Variants in SH3GL3 observed in about 807,000 individuals in gnomAD.
SH3GL3 encodes the protein SH3 domain containing GRB2 like 3, endophilin A3.
In SH3GL3, 33 loss-of-function variants were observed where a neutral mutation model predicts 47.7. The observed-to-expected ratio is 0.69, with a 90% CI of 0.52 to 0.92. The LOEUF (loss-of-function observed/expected upper bound fraction) is 0.92, where lower values mean the gene tolerates loss of function less well. Among genes scored for constraint, SH3GL3 ranks in the 40% least tolerant of loss-of-function variants. The pLI is 0.00. For missense variants in SH3GL3, 363 were observed against 417.8 expected (o/e 0.87, Z 1.14); for synonymous variants, 155 against 148.8 (o/e 1.04, Z -0.30).
chr15:83,568,339 C>A (rs1334545642), intron 3 of SH3GL3, among the ~76,000 whole-genome samples, 190 bp from the exon 4 acceptor site: 1 of 152,070 alleles, frequency 6.6e-6, no homozygotes, highest in Non-Finnish European at 1.5e-5. Context: ...GCACTTAGCA[C>A]CCACCTTGGT....
intron 1 of SH3GL3, among the ~76,000 whole-genome samples, chr15:83,471,748 GT>G (rs928353298): frequency 2.0e-5 from 3 of 152,138 alleles, no homozygotes; most frequent in African/African-American, 4.8e-5. Context: ...GTGATTTCTG[GT>G]GAGAAATCTG....
chr15:83,543,650 A>T (rs1168289517), intron 1 of SH3GL3, among the ~76,000 whole-genome samples: 5 of 151,880 alleles, frequency 3.3e-5, no homozygotes, highest in Non-Finnish European at 7.4e-5. Context: ...TTGCCAGAAG[A>T]CTTTGTATTT....
At chr15:83,503,315 G>A (rs1004571389) in intron 1 of SH3GL3, among the ~76,000 whole-genome samples, 40 of 152,068 alleles carry the variant, frequency 2.6e-4, no homozygotes, top group Middle Eastern at 3.4e-3. Context: ...AAATGTACTG[G>A]CTTCTAACCT....
chr15:83,559,526 A>G (rs1369936379), intron 2 of SH3GL3, among the ~76,000 whole-genome samples: 2 of 152,196 alleles, frequency 1.3e-5, no homozygotes, highest in Non-Finnish European at 2.9e-5. Flanking sequence ...GGGCAGGTCG[A>G]GTAATGAGAT....
chr15:83,572,702 A>G lies in SH3GL3; in HGVS notation c.465+4A>G. 6.2e-7 allele frequency: 1 copy of G among 1,601,780 alleles called. No individual in the cohort carries two copies. Among genetic ancestry groups the G allele is most frequent in the Non-Finnish European group, 8.5e-7 (1 of 1,170,360 alleles). ...TAAAGATTTAAAAGAGATCGGGGTA[A>G]GTCTTCCAGGGTATAAATATACCTG... On this transcript the variant is annotated splice_donor_region_variant and intron_variant, in intron 5 of 8. Coordinates refer to ENST00000427482, the MANE Select transcript of SH3GL3 (RefSeq NM_003027.5).
At chr15:83,591,152 C>T (rs1407574862) in intron 8 of SH3GL3, among the ~76,000 whole-genome samples, 1 of 152,072 alleles carries the variant, frequency 6.6e-6, no homozygotes, top group Admixed American at 6.5e-5. Flanking sequence ...GGACTACAGA[C>T]ACACACCACA....
chr15:83,576,338 A>G (rs2059676741), intron 5 of SH3GL3, among the ~76,000 whole-genome samples: 1 of 152,204 alleles, frequency 6.6e-6, no homozygotes, highest in Non-Finnish European at 1.5e-5. Flanking sequence ...CATTCCATAA[A>G]GACACTCATT....
Position 83,511,945 on chromosome 15 carries a change from ACCTAAAAGGAG to A in SH3GL3, c.46-47305_46-47295del, listed in dbSNP as rs567041367. On this transcript the variant is annotated intron_variant, in intron 1 of 8. Coordinates refer to ENST00000427482, the MANE Select transcript of SH3GL3 (RefSeq NM_003027.5). ...AGTTTGACACTTGGAACAATACTGG[ACCTAAAAGGAG>A]CCAGGCCTTGGATGGACAGTCACTC... Among the ~76,000 whole-genome samples, 315 of 152,222 alleles carry A rather than the reference ACCTAAAAGGAG, an allele frequency of 2.1e-3. 1 individual carries two copies. Among genetic ancestry groups the A allele is most frequent in the African/African-American group, 6.9e-3 (285 of 41,512 alleles).
chr15:83,551,400 G>A (rs1002454407), intron 1 of SH3GL3, among the ~76,000 whole-genome samples: 1 of 152,184 alleles, frequency 6.6e-6, no homozygotes, highest in Admixed American at 6.5e-5. Flanking sequence ...TGCGATATTT[G>A]TGATGGGGAA....
intron 1 of SH3GL3, among the ~76,000 whole-genome samples, chr15:83,451,051 C>T (rs201785910): frequency 0.16 from 17,460 of 109,970 alleles, 1,696 homozygotes; most frequent in South Asian, 0.42. Flanking sequence ...TGAGAATATG[C>T]GGTGTTTGGT....
chr15:83,585,528 G>A, intron 6 of SH3GL3, among the ~76,000 whole-genome samples: 1 of 152,190 alleles, frequency 6.6e-6, no homozygotes, highest in Non-Finnish European at 1.5e-5. Context: ...CACCACTCTA[G>A]CACTGTAAGG....
rs145719885 is a variant in SH3GL3, at chr15:83,538,285, G to A, written c.46-20968G>A. Reference sequence around the variant, plus strand: ...TTGCTTGTTAAACTTCCTTCTAGAAGAATAAATCAGGATAAATGCAATCAA... The same window carrying A: ...TTGCTTGTTAAACTTCCTTCTAGAAAAATAAATCAGGATAAATGCAATCAA... On this transcript the variant is annotated intron_variant, in intron 1 of 8. Transcript: ENST00000427482. Among the ~76,000 whole-genome samples the A allele has an allele frequency of 3.9e-3, 589 of 152,264 alleles. 1 individual carries two copies. Among genetic ancestry groups the A allele is most frequent in the Middle Eastern group, 0.014 (4 of 294 alleles).
chr15:83,569,139 C>T (rs765517248), intron 4 of SH3GL3, among the ~76,000 whole-genome samples: 48 of 152,070 alleles, frequency 3.2e-4, no homozygotes, highest in Middle Eastern at 3.2e-3. Context: ...TCAAGTGATC[C>T]GCCTGCCTCG....
chr15:83,568,433 G>A (rs1297493295), intron 3 of SH3GL3, 96 bp from the exon 4 acceptor site: 12 of 902,874 alleles, frequency 1.3e-5, no homozygotes, highest in Non-Finnish European at 2.1e-5. Context: ...TTTTGTTTAA[G>A]GTGACCTCAG....
At chr15:83,583,605 A>C (rs977998970) in intron 6 of SH3GL3, among the ~76,000 whole-genome samples, 2 of 152,174 alleles carry the variant, frequency 1.3e-5, no homozygotes, top group East Asian at 3.9e-4. Context: ...TTCCATCCCC[A>C]GGACTAAGAT....
chr15:83,491,112 T>C (rs2041855295), intron 1 of SH3GL3, among the ~76,000 whole-genome samples: 1 of 152,166 alleles, frequency 6.6e-6, no homozygotes. Flanking sequence ...ATCCTGTGGG[T>C]ACAGAGAAAA....
At chr15:83,566,008 C>T (rs1287241523) in intron 3 of SH3GL3, 1 of 152,136 alleles carries the variant, frequency 6.6e-6, no homozygotes, top group Non-Finnish European at 1.5e-5. Flanking sequence ...AAAAATATAT[C>T]TTCTCCTCCC....
At chr15:83,509,782 C>G (rs909819098) in intron 1 of SH3GL3, among the ~76,000 whole-genome samples, 1 of 152,134 alleles carries the variant, frequency 6.6e-6, no homozygotes, top group Non-Finnish European at 1.5e-5. Flanking sequence ...ATAAATTACC[C>G]GGTTACTGCC....
intron 1 of SH3GL3, among the ~76,000 whole-genome samples, chr15:83,474,795 A>G (rs936741807): frequency 5.9e-5 from 9 of 152,186 alleles, no homozygotes; most frequent in African/African-American, 2.2e-4. Context: ...CTTGGCTGGC[A>G]GAATGTGAGA....
Sources: allele counts gnomAD v4.1 joint callset (sites outside exome capture counted in the v4.1 genomes callset), GRCh38; gene constraint gnomAD v4.1.1; transcripts MANE v1.5; gene names NCBI Gene and HGNC (gene_info 2026-07-23, HGNC 2026-07-21).